Variants in IQCB1 observed in about 807,000 individuals in gnomAD.
IQCB1 encodes the protein IQ calmodulin-binding motif-containing protein 1.
A neutral mutation model predicts 84.4 loss-of-function variants in IQCB1; 56 were observed. The observed-to-expected ratio is 0.66, with a 90% CI of 0.54 to 0.83. IQCB1 has a LOEUF of 0.83. Ranked by LOEUF, IQCB1 falls within the 40% of genes least tolerant of loss-of-function variation. The pLI, the probability that IQCB1 is intolerant of heterozygous loss-of-function variation, is 0.00. For missense variants in IQCB1, 629 were observed against 682.1 expected, an observed-to-expected ratio of 0.92 and a Z score of 0.87; for synonymous variants, 210 against 234.8, an observed-to-expected ratio of 0.89 and a Z score of 0.96.
intron 8 of IQCB1, among the ~76,000 whole-genome samples, chr3:121,798,532 T>C (rs1435098043): frequency 6.6e-6 from 1 of 151,896 alleles, no homozygotes; most frequent in Non-Finnish European, 1.5e-5. Flanking sequence ...AATTACCATG[T>C]CTCTGTTTCT....
intron 5 of IQCB1, among the ~76,000 whole-genome samples, chr3:121,810,095 T>C (rs1259725972): frequency 6.6e-6 from 1 of 152,108 alleles, no homozygotes. Flanking sequence ...AAAGATAGTG[T>C]TGTACTCTTA....
chr3:121,832,956 C>T (rs1950701258), intron 2 of IQCB1, among the ~76,000 whole-genome samples: 1 of 152,172 alleles, frequency 6.6e-6, no homozygotes, highest in Non-Finnish European at 1.5e-5. Context: ...TGTATACATA[C>T]ACATACACAG....
In IQCB1 at chr3:121,808,917, A is replaced by T; in HGVS notation, c.486T>A (p.Asn162Lys). The change falls in exon 6 of 15, where the codon AAT (asparagine) becomes AAA (lysine). Residue 162 changes from asparagine (N) to lysine (K), a missense_variant and splice_region_variant. Physicochemically the swap from Asn to Lys is moderately conservative, Grantham distance 94 (BLOSUM62 0). Transcript: ENST00000310864. Reference sequence around the variant, plus strand: ...TTACATTAAAATCTTTTCTCTTACCATTCTGAATAAGTTCAACATGGCCTC... The same window carrying T: ...TTACATTAAAATCTTTTCTCTTACCTTTCTGAATAAGTTCAACATGGCCTC... ...LLGGHVELIQ[N>K]VLQSDHFLHL... 1 of 1,580,900 alleles carries T rather than the reference A, an allele frequency of 6.3e-7. No individual in the cohort carries two copies. Among genetic ancestry groups the T allele is most frequent in the Non-Finnish European group, 8.7e-7 (1 of 1,150,276 alleles).
At chr3:121,792,806 C>T (rs2108555347) in intron 10 of IQCB1, among the ~76,000 whole-genome samples, 1 of 152,146 alleles carries the variant, frequency 6.6e-6, no homozygotes, top group Admixed American at 6.5e-5. Flanking sequence ...ATGTAATTCC[C>T]CCATTTATTA....
intron 12 of IQCB1, among the ~76,000 whole-genome samples, chr3:121,782,474 C>T (rs1948541329): frequency 6.6e-6 from 1 of 152,234 alleles, no homozygotes; most frequent in Admixed American, 6.5e-5. Flanking sequence ...GGCCCACAGG[C>T]CAAATCCAGC....
At chr3:121,786,945 A>G (rs1464247820) in intron 12 of IQCB1, among the ~76,000 whole-genome samples, 6 of 152,232 alleles carry the variant, frequency 3.9e-5, no homozygotes, top group African/African-American at 1.4e-4. Context: ...AGGTAAAAGT[A>G]TTAGAAAGAA....
At chr3:121,821,882 T>G (rs969102403) in intron 5 of IQCB1, among the ~76,000 whole-genome samples, 1 of 152,242 alleles carries the variant, frequency 6.6e-6, no homozygotes, top group Non-Finnish European at 1.5e-5. Context: ...TATTTTTAGA[T>G]GAGTTTAACA....
chr3:121,794,479 A>C (rs913167841), intron 10 of IQCB1, among the ~76,000 whole-genome samples: 5 of 152,114 alleles, frequency 3.3e-5, no homozygotes, highest in African/African-American at 4.8e-5. Context: ...GTGAGATACA[A>C]ACTCGAATCT....
chr3:121,782,736 T>C (rs892185329), intron 12 of IQCB1, among the ~76,000 whole-genome samples: 2 of 152,034 alleles, frequency 1.3e-5, no homozygotes, highest in Admixed American at 6.6e-5. Context: ...TGGAGTGCAG[T>C]GGCACAATCC....
At chr3:121,796,130 T>C (rs1177518540) in intron 9 of IQCB1, among the ~76,000 whole-genome samples, 1 of 152,084 alleles carries the variant, frequency 6.6e-6, no homozygotes, top group East Asian at 1.9e-4. Context: ...AAAATATAGT[T>C]TTATGATTTT....
chr3:121,780,564 C>T (rs1948427930), intron 13 of IQCB1, among the ~76,000 whole-genome samples: 1 of 152,174 alleles, frequency 6.6e-6, no homozygotes, highest in South Asian at 2.1e-4. Flanking sequence ...TTAGCAGAAG[C>T]AGAAAGTAAG....
chr3:121,781,859 C>T lies in IQCB1; in HGVS notation c.1294G>A (p.Ala432Thr), dbSNP rs1948511501. 4 of 1,613,446 alleles carry T rather than the reference C, an allele frequency of 2.5e-6. No homozygotes were observed. Among genetic ancestry groups the T allele is most frequent in the South Asian group, 2.2e-5 (2 of 91,054 alleles). ...AGTTTCTTTTTCTTACGGCACTTCG[C>T]TAGGAATTTAAGCGCCTGGAAGAAA... ...TLQRAALKFL[A>T]KCRKKKKLFA... Residue 432 changes from alanine (A) to threonine (T), a missense_variant, in exon 13 of 15, where the codon GCG (alanine) becomes ACG (threonine). Ala to Thr is a moderately conservative substitution (Grantham distance 58). Transcript: ENST00000310864.
intron 7 of IQCB1, among the ~76,000 whole-genome samples, chr3:121,802,370 C>T (rs899352698): frequency 2.6e-5 from 4 of 151,910 alleles, no homozygotes; most frequent in South Asian, 2.1e-4. Flanking sequence ...TGGTAGTTTG[C>T]GTCTTTCAAT....
intron 13 of IQCB1, among the ~76,000 whole-genome samples, chr3:121,777,360 C>A (rs922420296): frequency 1.3e-5 from 2 of 152,094 alleles, no homozygotes; most frequent in African/African-American, 4.8e-5. Flanking sequence ...ATGTGGTATA[C>A]CCTATTGCTC....
chr3:121,778,551 A>AT (rs1948334866), intron 13 of IQCB1, among the ~76,000 whole-genome samples: 1 of 149,402 alleles, frequency 6.7e-6, no homozygotes, highest in Admixed American at 6.7e-5. Flanking sequence ...TTTTAACAAT[A>AT]TTTTTTTGCC....
chr3:121,783,556 T>C (rs1010266636), intron 12 of IQCB1, among the ~76,000 whole-genome samples: 2 of 152,264 alleles, frequency 1.3e-5, no homozygotes, highest in Admixed American at 6.5e-5. Flanking sequence ...TTTTCTCCCA[T>C]GCTTTGTTTT....
At chr3:121,819,619 T>A (rs1243255210) in intron 5 of IQCB1, among the ~76,000 whole-genome samples, 1 of 152,178 alleles carries the variant, frequency 6.6e-6, no homozygotes, top group Non-Finnish European at 1.5e-5. Context: ...TTATTAAACA[T>A]AGTAATTAAT....
intron 7 of IQCB1, among the ~76,000 whole-genome samples, chr3:121,801,513 AT>A (rs1949407062): frequency 6.6e-6 from 1 of 151,972 alleles, no homozygotes; most frequent in African/African-American, 2.4e-5. Context: ...TGCACCATTT[AT>A]TTTATCTACC....
At chr3:121,795,363 T>C (rs1367327781) in intron 10 of IQCB1, 94 bp downstream of exon 10, 3 of 776,724 alleles carry the variant, frequency 3.9e-6, no homozygotes, top group Non-Finnish European at 7.0e-6. Flanking sequence ...ACAAGAAACA[T>C]ACTAGGAAAT....
Sources: gnomAD v4.1 joint callset for allele counts (sites outside exome capture counted in the v4.1 genomes callset) on GRCh38, gnomAD v4.1.1 for gene constraint, MANE v1.5 for transcripts, NCBI Gene and HGNC (gene_info 2026-07-23, HGNC 2026-07-21) for gene names.